DNAJC11: variants seen among roughly 807,000 people sequenced by gnomAD.
DNAJC11 encodes the protein DnaJ heat shock protein family (Hsp40) member C11, also known as dnaJ homolog subfamily C member 11.
A neutral mutation model predicts 78.6 loss-of-function variants in DNAJC11; 15 were observed. The ratio of observed to expected loss-of-function variants is 0.19; its 90% CI spans 0.13 to 0.29. The LOEUF is 0.29. Ranked by LOEUF, DNAJC11 falls within the 10% of genes least tolerant of loss-of-function variation. The pLI is 1.00. For synonymous variants in DNAJC11, 292 were observed against 272.1 expected (o/e 1.07, Z -0.72); for missense variants, 547 against 709.6 (o/e 0.77, Z 2.60).
At chr1:6,692,423 T>G (rs1032196100) in intron 1 of DNAJC11, among the ~76,000 whole-genome samples, 1 of 150,966 alleles carries the variant, frequency 6.6e-6, no homozygotes, top group African/African-American at 2.4e-5. Context: ...CTATCCTATC[T>G]TTACCCCAAA....
At chr1:6,682,163 CAAAAAAA>C (rs60985504) in intron 1 of DNAJC11, among the ~76,000 whole-genome samples, 2 of 94,074 alleles carry the variant, frequency 2.1e-5, no homozygotes, top group African/African-American at 8.7e-5. Context: ...ACCATAATTA[CAAAAAAA>C]AAAAAAAAAA....
At chr1:6,661,868 T>A (rs1251994824) in intron 4 of DNAJC11, among the ~76,000 whole-genome samples, 1 of 152,198 alleles carries the variant, frequency 6.6e-6, no homozygotes, top group Admixed American at 6.5e-5. Context: ...AATAATCAAG[T>A]GATGCACGCT....
Position 6,653,701 on chromosome 1 carries a change from C to T in DNAJC11, c.507+210G>A. 1.9e-6 allele frequency: 1 copy of T among 539,998 alleles called. No individual in the cohort carries two copies. Among genetic ancestry groups the T allele is most frequent in the Non-Finnish European group, 3.1e-6 (1 of 327,510 alleles). The allele number at this position is 539,998 out of a possible 1,614,324, so 33.5% of individuals were successfully genotyped here. ...GCCCAAGACCTTGGGAGCCAAGTGC[C>T]CCAGCCCACACTCCTGCTGGCTCAC... On this transcript the variant is annotated intron_variant, in intron 5 of 15. Transcript: ENST00000377577. The surrounding 1 kb of genome is among the most constrained non-coding windows in gnomAD (Gnocchi z 4.5).
chr1:6,636,820 T>C lies in DNAJC11; in HGVS notation c.1524+378A>G, dbSNP rs939265672. On this transcript the variant is annotated intron_variant, in intron 14 of 15. Transcript: ENST00000377577. ...CCACTTTAAGGGGCCAGGCTGTCCT[T>C]GTCAGACTGAACCTATTCTTCACAC... Among the ~76,000 whole-genome samples, 3 of 152,190 alleles carry C rather than the reference T, an allele frequency of 2.0e-5. No homozygotes were observed. In the East Asian group the frequency reaches 5.8e-4, roughly 29 times the overall value.
chr1:6,700,177 A>C (rs1382864407), intron 1 of DNAJC11, among the ~76,000 whole-genome samples: 2 of 152,168 alleles, frequency 1.3e-5, no homozygotes, highest in Non-Finnish European at 2.9e-5. Context: ...TTAAGAAGGT[A>C]CTTTGTAATA....
At chr1:6,690,044 C>T (rs754296601) in intron 1 of DNAJC11, among the ~76,000 whole-genome samples, 5 of 152,130 alleles carry the variant, frequency 3.3e-5, no homozygotes, top group Admixed American at 6.5e-5. Context: ...TCCCGAGGAT[C>T]GGAAAGATCA....
intron 1 of DNAJC11, among the ~76,000 whole-genome samples, chr1:6,694,897 C>T (rs888882844): frequency 6.6e-6 from 1 of 150,878 alleles, no homozygotes; most frequent in Non-Finnish European, 1.5e-5. Context: ...ATGGCGTGAA[C>T]CCGGGAGGCG....
intron 4 of DNAJC11, among the ~76,000 whole-genome samples, chr1:6,655,565 G>A (rs1328720514): frequency 2.0e-5 from 3 of 152,174 alleles, no homozygotes; most frequent in Non-Finnish European, 2.9e-5. Flanking sequence ...GCTAATACCC[G>A]TAATCCCAAC....
At chr1:6,640,841 C>T (rs1339786975) in intron 10 of DNAJC11, among the ~76,000 whole-genome samples, 1 of 152,014 alleles carries the variant, frequency 6.6e-6, no homozygotes, top group Non-Finnish European at 1.5e-5. Flanking sequence ...ATCTCAGAAA[C>T]CCGTGGAAGA....
Position 6,634,702 on chromosome 1 carries a change from G to A in DNAJC11, c.*973C>T, listed in dbSNP as rs1641722735. 2 of 1,365,432 alleles carry A rather than the reference G, an allele frequency of 1.5e-6. No homozygotes were observed. The highest frequency in any genetic ancestry group is 4.6e-5 in the East Asian group (1 of 21,974). 84.6% of individuals were successfully genotyped at this position (1,365,432 alleles called of 1,614,324 possible). A position where few individuals can be genotyped will look rare whatever the true frequency, so the allele number is the denominator to read the frequency against. Reference sequence around the variant, plus strand: ...TCCCAAGTGGGCACGTGGAGGAAGGGTCTGAAGGAAGGCTCCGGAGCACAG... The same window carrying A: ...TCCCAAGTGGGCACGTGGAGGAAGGATCTGAAGGAAGGCTCCGGAGCACAG... On this transcript the variant is annotated 3_prime_UTR_variant, in exon 16 of 16. Coordinates refer to ENST00000377577, the MANE Select transcript of DNAJC11 (RefSeq NM_018198.4).
intron 4 of DNAJC11, among the ~76,000 whole-genome samples, chr1:6,655,486 T>C (rs994734479): frequency 2.6e-5 from 4 of 152,204 alleles, no homozygotes; most frequent in Non-Finnish European, 5.9e-5. Flanking sequence ...ATCTCTGTCA[T>C]GATGATGATT....
chr1:6,645,132 G>A lies in DNAJC11; in HGVS notation c.895-6C>T. 1 of 1,610,632 alleles carries A rather than the reference G, an allele frequency of 6.2e-7. No individual in the cohort carries two copies. The highest frequency in any genetic ancestry group is 8.5e-7 in the Non-Finnish European group (1 of 1,177,168). ...AAGGAGTGAGGGATTCCCAGCTGGG[G>A]AGACAGAGGGTGCAAGGATGCGTGG... On this transcript the variant is annotated splice_polypyrimidine_tract_variant and splice_region_variant and intron_variant, in intron 8 of 15. Transcript: ENST00000377577. The surrounding 1 kb of genome is among the most constrained non-coding windows in gnomAD (Gnocchi z 4.1).
chr1:6,687,868 ACTGAT>A (rs1390898345), intron 1 of DNAJC11, among the ~76,000 whole-genome samples: 1 of 152,184 alleles, frequency 6.6e-6, no homozygotes, highest in African/African-American at 2.4e-5. Context: ...ATTCTGTCTG[ACTGAT>A]CTCCACAGGA....
At chr1:6,642,677 AAAAAT>A (rs1209189362) in intron 10 of DNAJC11, among the ~76,000 whole-genome samples, 2 of 152,312 alleles carry the variant, frequency 1.3e-5, no homozygotes, top group African/African-American at 2.4e-5. Context: ...CTGTCTCTAT[AAAAAT>A]AAAATAAAAA....
intron 12 of DNAJC11, 22 bp downstream of exon 12, chr1:6,638,273 G>C (rs1557464010): frequency 6.2e-7 from 1 of 1,608,636 alleles, no homozygotes; most frequent in Admixed American, 1.7e-5. Flanking sequence ...CCCTCGCTTG[G>C]GAACGGTGGG....
At chr1:6,641,376 C>G (rs1411558368) in intron 10 of DNAJC11, among the ~76,000 whole-genome samples, 1 of 59,198 alleles carries the variant, frequency 1.7e-5, no homozygotes, top group Non-Finnish European at 3.0e-5. Flanking sequence ...AACTCCGTCT[C>G]CAAAAAAAAA....
chr1:6,689,044 T>C (rs533762871), intron 1 of DNAJC11, among the ~76,000 whole-genome samples: 4 of 152,254 alleles, frequency 2.6e-5, no homozygotes, highest in Admixed American at 6.6e-5. Context: ...ATCTAATTTA[T>C]ACAGGGCTTT....
intron 3 of DNAJC11, chr1:6,668,140 C>CT (rs911845438): frequency 1.4e-4 from 34 of 241,738 alleles, no homozygotes; most frequent in Non-Finnish European, 2.3e-4. Context: ...GAATTTCTTT[C>CT]TTTTTTTTCT....
chr1:6,686,951 T>C (rs1350026724), intron 1 of DNAJC11, among the ~76,000 whole-genome samples: 5 of 152,242 alleles, frequency 3.3e-5, no homozygotes, highest in Non-Finnish European at 7.3e-5. Flanking sequence ...CTACTGGATT[T>C]TGGGAAGTTT....
Sources: gnomAD v4.1 joint callset for allele counts (sites outside exome capture counted in the v4.1 genomes callset) on GRCh38, gnomAD v4.1.1 for gene constraint, Gnocchi (gnomAD v3.1) non-coding constraint, MANE v1.5 for transcripts, NCBI Gene and HGNC (gene_info 2026-07-23, HGNC 2026-07-21) for gene names.